HMCN1: variants seen among roughly 807,000 people sequenced by gnomAD.
The protein encoded by HMCN1 is hemicentin 1.
HMCN1 carries 321 observed loss-of-function variants against 625.9 expected under a neutral mutation model. The ratio of observed to expected loss-of-function variants is 0.51; its 90% CI spans 0.47 to 0.56. The LOEUF is 0.56. Ranked by LOEUF, HMCN1 falls within the 20% of genes least tolerant of loss-of-function variation. HMCN1 has a pLI of 0.00. For synonymous variants in HMCN1, 2,425 were observed against 2,417.6 expected (o/e 1.00, Z -0.09); for missense variants, 6,588 against 6,887.3 (o/e 0.96, Z 1.54).
chr1:186,162,324 T>A (rs929477267), intron 97 of HMCN1, among the ~76,000 whole-genome samples: 2 of 134,250 alleles, frequency 1.5e-5, no homozygotes, highest in Non-Finnish European at 3.0e-5. Flanking sequence ...TTCATCTACA[T>A]TTTTTTTCAA....
intron 103 of HMCN1, among the ~76,000 whole-genome samples, chr1:186,175,892 G>GAAAGA (rs1553310232): frequency 1.6e-4 from 21 of 135,080 alleles, no homozygotes; most frequent in Admixed American, 2.9e-4. Context: ...AAAAAAAAAA[G>GAAAGA]AAAGAAAAGA....
chr1:185,953,551 A>G (rs1181358421), intron 11 of HMCN1, among the ~76,000 whole-genome samples: 2 of 151,910 alleles, frequency 1.3e-5, no homozygotes, highest in Non-Finnish European at 2.9e-5. Context: ...TGGCGCCAAG[A>G]TTGAAAGGAG....
intron 100 of HMCN1, among the ~76,000 whole-genome samples, chr1:186,170,098 C>A (rs1185817202): frequency 6.6e-6 from 1 of 151,920 alleles, no homozygotes; most frequent in Admixed American, 6.6e-5. Context: ...TAGAGAAATG[C>A]AAATCAAAAC....
At chr1:185,920,391 A>G (rs752609410) in intron 6 of HMCN1, among the ~76,000 whole-genome samples, 6 of 152,186 alleles carry the variant, frequency 3.9e-5, no homozygotes, top group Non-Finnish European at 8.8e-5. Context: ...AGACATTCCT[A>G]CTGTCTACAG....
chr1:186,025,732 T>A (rs1298523788), intron 36 of HMCN1, among the ~76,000 whole-genome samples: 1 of 152,028 alleles, frequency 6.6e-6, no homozygotes. Flanking sequence ...ACATGGAAAA[T>A]CATCAAAGAG....
At chr1:185,968,171 C>T (rs1420000133) in intron 14 of HMCN1, among the ~76,000 whole-genome samples, 1 of 152,018 alleles carries the variant, frequency 6.6e-6, no homozygotes, top group Non-Finnish European at 1.5e-5. Context: ...CATAATAATA[C>T]TAAGATGTTG....
At chr1:185,944,496 TC>T (rs1273370342) in intron 11 of HMCN1, among the ~76,000 whole-genome samples, 3 of 152,200 alleles carry the variant, frequency 2.0e-5, no homozygotes, top group African/African-American at 7.2e-5. Context: ...CAAGTCCCTA[TC>T]TTGTGAGTAA....
In HMCN1 at chr1:186,081,236, G is replaced by C; in HGVS notation, c.8629G>C (p.Asp2877His). The C allele has an allele frequency of 6.2e-7, 1 of 1,613,756 alleles. No individual in the cohort carries two copies. The highest frequency in any genetic ancestry group is 1.1e-5 in the South Asian group (1 of 91,064). Residue 2877 changes from aspartate to histidine, a missense_variant, in exon 56 of 107, where the codon GAT becomes CAT. Physicochemically the swap from Asp to His is moderately conservative, Grantham distance 81 (BLOSUM62 -1). Around this residue, in one of 3 missense-constraint regions of HMCN1, gnomAD observed 4,628 missense variants for 4,853.1 expected, o/e 0.95. Coordinates refer to ENST00000271588, the MANE Select transcript of HMCN1 (RefSeq NM_031935.3). ...GCCAATTATCAAGGGAGCAAATAGT[G>C]ATCTCCCTGAAGAGGTCACCGTGCT... ...VPPIIKGANS[D>H]LPEEVTVLVN...
rs370593376 is a variant in HMCN1, at chr1:186,148,317, G to C, written c.14608+2394G>C. Among the ~76,000 whole-genome samples, 166 of 152,146 alleles carry C rather than the reference G, an allele frequency of 1.1e-3. 2 individuals carry two copies. The highest frequency in any genetic ancestry group is 5.6e-3 in the East Asian group (29 of 5,172). Reference sequence around the variant, plus strand: ...TAGTTACTTCCTCCACTGAAGTCTTGAAACTTCAAAGTCATCTATGATGGG... The same window carrying C: ...TAGTTACTTCCTCCACTGAAGTCTTCAAACTTCAAAGTCATCTATGATGGG... On this transcript the variant is annotated intron_variant, in intron 93 of 106. Coordinates refer to ENST00000271588, the MANE Select transcript of HMCN1 (RefSeq NM_031935.3).
chr1:186,029,539 GT>G (rs34307509), intron 36 of HMCN1, among the ~76,000 whole-genome samples: 57 of 147,976 alleles, frequency 3.9e-4, no homozygotes, highest in Non-Finnish European at 1.2e-4. Flanking sequence ...TTCTCCTAAA[GT>G]TTTTTTTTTT....
Position 186,053,821 on chromosome 1 carries a change from G to C in HMCN1, c.6701-4G>C, listed in dbSNP as rs780518184. The C allele has an allele frequency of 1.6e-4, 251 of 1,612,228 alleles. No homozygotes were observed. Among genetic ancestry groups the C allele is most frequent in the Non-Finnish European group, 2.0e-4 (238 of 1,178,984 alleles). On this transcript the variant is annotated splice_region_variant and splice_polypyrimidine_tract_variant and intron_variant, in intron 43 of 106. Transcript: ENST00000271588. ...CATATTCTGCCATTTGGACTTCTTT[G>C]TAGGCTCTCCAGTGCTGACTGATTC...
intron 2 of HMCN1, among the ~76,000 whole-genome samples, chr1:185,846,817 T>A (rs1661850464): frequency 6.6e-6 from 1 of 152,172 alleles, no homozygotes; most frequent in South Asian, 2.1e-4. Context: ...GACTTCAACA[T>A]TTATGAGAAT....
intron 1 of HMCN1, among the ~76,000 whole-genome samples, chr1:185,739,878 T>G (rs1287194750): frequency 6.6e-6 from 1 of 152,122 alleles, no homozygotes; most frequent in Non-Finnish European, 1.5e-5. Flanking sequence ...AATTCGGTCA[T>G]TAGGGAAGTC....
At position 186,151,668 on chromosome 1, in the gene HMCN1, A is replaced by T; in HGVS notation, c.14821A>T (p.Ile4941Leu). The T allele has an allele frequency of 6.2e-7, 1 of 1,613,468 alleles. No homozygotes were observed. Among genetic ancestry groups the T allele is most frequent in the Non-Finnish European group, 8.5e-7 (1 of 1,179,448 alleles). The change falls in exon 95 of 107, where the codon ATA (isoleucine) becomes TTA (leucine). Residue 4941 changes from isoleucine to leucine, a missense_variant. By Grantham distance (5) the Ile-to-Leu change is conservative. Coordinates refer to ENST00000271588, the MANE Select transcript of HMCN1 (RefSeq NM_031935.3). Reference sequence around the variant, plus strand: ...CATTTATTGGACAACAGCAAAGGAAATAGGAGAAGCAGTCAATGGCTTTAC... The same window carrying T: ...CATTTATTGGACAACAGCAAAGGAATTAGGAGAAGCAGTCAATGGCTTTAC... ...NPIYWTTAKE[I>L]GEAVNGFTLT...
At chr1:185,829,899 C>A (rs1039111055) in intron 1 of HMCN1, among the ~76,000 whole-genome samples, 1 of 152,160 alleles carries the variant, frequency 6.6e-6, no homozygotes, top group Admixed American at 6.5e-5. Context: ...CACAGCCTTG[C>A]CAGAATCTAT....
intron 57 of HMCN1, 56 bp from the exon 58 acceptor site, chr1:186,086,190 A>T (rs183574002): frequency 2.0e-6 from 3 of 1,467,790 alleles, no homozygotes; most frequent in Non-Finnish European, 2.9e-6. Context: ...TATTTAGTAA[A>T]TGGGAATATA....
chr1:185,923,286 G>A, intron 7 of HMCN1, 104 bp from the exon 8 acceptor site: 1 of 874,926 alleles, frequency 1.1e-6, no homozygotes. Context: ...GAAATTGTAG[G>A]CATCCTTATG....
intron 6 of HMCN1, among the ~76,000 whole-genome samples, chr1:185,916,616 G>A (rs1409860217): frequency 1.3e-5 from 2 of 152,106 alleles, no homozygotes; most frequent in East Asian, 3.9e-4. Context: ...TTTTGTGTTT[G>A]TCTTACTTTG....
In HMCN1 at chr1:185,934,340, T is replaced by C. The variant is rs201472227; in HGVS notation, c.1828+516T>C. 7.9e-5 allele frequency among the ~76,000 whole-genome samples: 12 copies of C among 152,274 alleles called. No homozygotes were observed. The East Asian group carries it at 2.3e-3, about 29-fold the overall frequency. ...ACATAAGCAGAGTGGTTTTTAACCT[T>C]ATTTGTCTTACACACACACATACAC... On this transcript the variant is annotated intron_variant, in intron 11 of 106. Transcript: ENST00000271588.
Sources: gnomAD v4.1 joint callset for allele counts (sites outside exome capture counted in the v4.1 genomes callset) on GRCh38, gnomAD v4.1.1 for gene constraint, gnomAD v4.1.1 regional missense constraint, MANE v1.5 for transcripts, NCBI Gene and HGNC (gene_info 2026-07-23, HGNC 2026-07-21) for gene names.